The following SETD2 variants were observed in gnomAD, a reference collection of about 807,000 sequenced individuals.
SETD2 encodes the protein histone-lysine N-methyltransferase SETD2.
SETD2 carries 31 observed loss-of-function variants against 242.1 expected under a neutral mutation model. The observed-to-expected ratio is 0.13, with a 90% CI of 0.10 to 0.17. The LOEUF is 0.17. Among genes scored for constraint, SETD2 ranks in the 10% least tolerant of loss-of-function variants. SETD2 has a pLI of 1.00. For missense variants in SETD2, 2,481 were observed against 3,046.3 expected (o/e 0.81, Z 4.37); for synonymous variants, 1,006 against 1,066.5 (o/e 0.94, Z 1.11).
intron 1 of SETD2, among the ~76,000 whole-genome samples, chr3:47,141,301 C>T (rs2043723001): frequency 6.6e-6 from 1 of 152,132 alleles, no homozygotes; most frequent in Non-Finnish European, 1.5e-5. Flanking sequence ...AGCCACTGCA[C>T]CCAGTTGGTT....
At chr3:47,075,714 T>A (rs1040637966) in intron 12 of SETD2, among the ~76,000 whole-genome samples, 1 of 152,056 alleles carries the variant, frequency 6.6e-6, no homozygotes, top group African/African-American at 2.4e-5. Flanking sequence ...TCAGAAGACA[T>A]AAGTCAATTG....
chr3:47,125,235 C>T (rs755821208), intron 2 of SETD2, among the ~76,000 whole-genome samples: 4 of 152,028 alleles, frequency 2.6e-5, no homozygotes, highest in Non-Finnish European at 5.9e-5. Flanking sequence ...GGGAGAATCA[C>T]TGGAACCCCG....
chr3:47,066,974 C>A, intron 13 of SETD2, 96 bp downstream of exon 13: 1 of 896,050 alleles, frequency 1.1e-6, no homozygotes, highest in South Asian at 1.7e-5. Flanking sequence ...TCTCTAGTTT[C>A]AAAAACAAAA....
chr3:47,093,891 C>T (rs949448300), intron 9 of SETD2, among the ~76,000 whole-genome samples: 4 of 152,152 alleles, frequency 2.6e-5, no homozygotes, highest in Non-Finnish European at 5.9e-5. Context: ...AATTTGCACT[C>T]CCCAATTACT....
At chr3:47,133,774 A>G (rs2043532894) in intron 1 of SETD2, among the ~76,000 whole-genome samples, 1 of 152,166 alleles carries the variant, frequency 6.6e-6, no homozygotes. Flanking sequence ...CTAGAGCCTC[A>G]GCTGGAAAAA....
intron 2 of SETD2, 75 bp downstream of exon 2, chr3:47,126,573 G>A: frequency 1.3e-6 from 1 of 745,596 alleles, no homozygotes. Context: ...AGTGTTTTCA[G>A]CTTTTACCCA....
rs2107748049 is a variant in SETD2, at chr3:47,120,969, G to C, written c.3667C>G (p.Gln1223Glu). ...PNKSWQQTTF[Q>E]NRPDSRLGKT... ...CCCAGTCTACTATCTGGCCTGTTTTGGAAAGTGGTCTGTTGCCAAGACTTA... is the reference window on the plus strand; with the variant it reads ...CCCAGTCTACTATCTGGCCTGTTTTCGAAAGTGGTCTGTTGCCAAGACTTA... Residue 1223 changes from glutamine to glutamate, a missense_variant, in exon 3 of 21, where the codon CAA becomes GAA. Physicochemically the swap from Gln to Glu is conservative, Grantham distance 29. This residue lies in a region of SETD2 where 1,300 missense variants were observed against 1,259.2 expected (regional missense o/e 1.03). Coordinates refer to ENST00000409792, the MANE Select transcript of SETD2 (RefSeq NM_014159.7). 1 of 1,614,166 alleles carries C rather than the reference G, an allele frequency of 6.2e-7. No homozygotes were observed. Among genetic ancestry groups the C allele is most frequent in the Non-Finnish European group, 8.5e-7 (1 of 1,180,006 alleles).
intron 15 of SETD2, among the ~76,000 whole-genome samples, chr3:47,049,865 T>C (rs7426969): frequency 0.65 from 91,755 of 141,134 alleles, 30,400 homozygotes; most frequent in African/African-American, 0.76. Flanking sequence ...AATATATAAA[T>C]TTATTCTGAG....
chr3:47,085,959 G>A (rs747729507), intron 11 of SETD2, among the ~76,000 whole-genome samples: 1 of 152,090 alleles, frequency 6.6e-6, no homozygotes, highest in Non-Finnish European at 1.5e-5. Flanking sequence ...GTAGTTCCCT[G>A]CTATGTAGTA....
chr3:47,157,896 A>G (rs1467027134), intron 1 of SETD2, among the ~76,000 whole-genome samples: 1 of 151,988 alleles, frequency 6.6e-6, no homozygotes, highest in Non-Finnish European at 1.5e-5. Context: ...GAAAAGAAAA[A>G]AAAAAGAAAC....
chr3:47,119,145 G>C (rs1057443336), intron 3 of SETD2, among the ~76,000 whole-genome samples: 5 of 152,114 alleles, frequency 3.3e-5, no homozygotes, highest in African/African-American at 1.2e-4. Flanking sequence ...AGGAGAGTAA[G>C]GGGGCAGGAT....
chr3:47,143,956 C>T lies in SETD2; in HGVS notation c.72-17293G>A, dbSNP rs183428272. Among the ~76,000 whole-genome samples the T allele has an allele frequency of 2.0e-3, 297 of 152,212 alleles. 3 individuals are homozygous for T. Among genetic ancestry groups the T allele is most frequent in the African/African-American group, 6.5e-3 (271 of 41,536 alleles). On this transcript the variant is annotated intron_variant, in intron 1 of 20. Transcript: ENST00000409792. ...CGATCTCCTGACCTCGTGATCTGCC[C>T]GCCTCGGCCTCCCAAAGTGCCGGGA...
chr3:47,019,896 G>T, intron 18 of SETD2, 56 bp from the exon 19 acceptor site: 8 of 1,411,306 alleles, frequency 5.7e-6, no homozygotes, highest in Non-Finnish European at 8.0e-6. Context: ...GTTTAGTGAT[G>T]CCCTACTGTC....
rs2042071437 is a variant in SETD2 at position 47,097,973 on chromosome 3, T to C, written c.5124A>G (p.Arg1708=). 1 of 1,613,838 alleles carries C rather than the reference T, an allele frequency of 6.2e-7. No individual in the cohort carries two copies. Among genetic ancestry groups the C allele is most frequent in the African/African-American group, 1.3e-5 (1 of 74,918 alleles). The part of the protein sequence containing the change: ...RAAGGKMKKE[R]SRKKDSVDGE... ...AACTTACTGAATCCTTCTTACGAGA[T>C]CGTTCCTTCTTCATTTTCCCTCCTG... Residue 1708 remains arginine, a synonymous_variant, in exon 9 of 21, where the codon CGA becomes CGG. Coordinates refer to ENST00000409792, the MANE Select transcript of SETD2 (RefSeq NM_014159.7).
intron 9 of SETD2, among the ~76,000 whole-genome samples, chr3:47,090,468 G>A (rs947479261): frequency 3.3e-5 from 5 of 151,838 alleles, no homozygotes; most frequent in African/African-American, 1.2e-4. Flanking sequence ...TCAGCTCACC[G>A]CAACCTCCAC....
chr3:47,120,775 C>G lies in SETD2; in HGVS notation c.3861G>C (p.Gln1287His), dbSNP rs542366860. 6 of 1,614,100 alleles carry G rather than the reference C, an allele frequency of 3.7e-6. No individual in the cohort carries two copies. Among genetic ancestry groups the G allele is most frequent in the Non-Finnish European group, 5.1e-6 (6 of 1,180,056 alleles). The change falls in exon 3 of 21, where the codon CAG becomes CAC. Residue 1287 changes from glutamine (Q) to histidine (H), a missense_variant. Physicochemically the swap from Gln to His is conservative, Grantham distance 24. This residue lies in a region of SETD2 where 1,300 missense variants were observed against 1,259.2 expected (regional missense o/e 1.03). Transcript: ENST00000409792. ...TCCCACCATACTGTTCTGCATTTTGCTGATACTTGTGTCCACCACAAGCTC... is the reference window on the plus strand; with the variant it reads ...TCCCACCATACTGTTCTGCATTTTGGTGATACTTGTGTCCACCACAAGCTC... ...SYGACGGHKY[Q>H]QNAEQYGGTR...
At position 47,163,925 on chromosome 3, in the gene SETD2, C is replaced by G; in HGVS notation, c.-1G>C. ...GCGGCTGCGGCTGCAGCTGCTTCAT[C>G]GGGAGCGGCTGGAGACGGCGACGCG... On this transcript the variant is annotated 5_prime_UTR_variant, in exon 1 of 21. Transcript: ENST00000409792. 3 of 1,304,982 alleles carry G rather than the reference C, an allele frequency of 2.3e-6. No homozygotes were observed. The highest frequency in any genetic ancestry group is 2.9e-6 in the Non-Finnish European group (3 of 1,021,978). The allele number at this position is 1,304,982 out of a possible 1,614,324, so 80.8% of individuals were successfully genotyped here. A position where few individuals can be genotyped will look rare whatever the true frequency, so the allele number is the denominator to read the frequency against.
chr3:47,046,579 T>C lies in SETD2; in HGVS notation c.7006A>G (p.Ile2336Val), dbSNP rs769263465. The C allele has an allele frequency of 1.2e-5, 19 of 1,613,486 alleles. No individual in the cohort carries two copies. Among genetic ancestry groups the C allele is most frequent in the Middle Eastern group, 3.3e-4 (2 of 6,082 alleles). ...ACTCCTTGTGGATGAGCTGTGAAAATCTGTTGCCCCTGGATATACTGAAGA... is the reference window on the plus strand; with the variant it reads ...ACTCCTTGTGGATGAGCTGTGAAAACCTGTTGCCCCTGGATATACTGAAGA... ...PSLQYIQGQQ[I>V]FTAHPQGVVV... The change falls in exon 16 of 21, where the codon ATT becomes GTT. Residue 2336 changes from isoleucine to valine, a missense_variant. Coordinates refer to ENST00000409792, the MANE Select transcript of SETD2 (RefSeq NM_014159.7).
intron 18 of SETD2, among the ~76,000 whole-genome samples, chr3:47,027,483 G>C (rs900455623): frequency 2.0e-5 from 3 of 151,858 alleles, no homozygotes; most frequent in Non-Finnish European, 4.4e-5. Flanking sequence ...AATGGGTGCA[G>C]CACACCAACA....
Sources: allele counts gnomAD v4.1 joint callset (sites outside exome capture counted in the v4.1 genomes callset), GRCh38; gene constraint gnomAD v4.1.1; regional missense constraint gnomAD v4.1.1; transcripts MANE v1.5; gene names NCBI Gene and HGNC (gene_info 2026-07-23, HGNC 2026-07-21).